YPEL2: variants seen among roughly 807,000 people sequenced by gnomAD.
The protein encoded by YPEL2 is protein yippee-like 2.
A neutral mutation model predicts 19.1 loss-of-function variants in YPEL2; 2 were observed. The ratio of observed to expected loss-of-function variants is 0.10; its 90% CI spans 0.04 to 0.33. The LOEUF is 0.33. Ranked by LOEUF, YPEL2 falls within the 10% of genes least tolerant of loss-of-function variation. The probability of loss-of-function intolerance (pLI) is 1.00; values close to 1 mark genes in which losing one functional copy is unlikely to be tolerated. For synonymous variants in YPEL2, 52 were observed against 50.0 expected (o/e 1.04, Z -0.17); for missense variants, 66 against 140.7 (o/e 0.47, Z 2.68).
chr17:59,389,322 A>C (rs1234881396), intron 3 of YPEL2, 38 bp from the exon 4 acceptor site: 4 of 1,569,530 alleles, frequency 2.5e-6, no homozygotes, highest in Non-Finnish European at 3.5e-6. Flanking sequence ...TGTGCGTGTC[A>C]CTAACTACCC....
chr17:59,386,841 G>GGGCACC (rs1391951691), intron 2 of YPEL2, among the ~76,000 whole-genome samples: 2 of 152,290 alleles, frequency 1.3e-5, no homozygotes, highest in East Asian at 3.9e-4. Flanking sequence ...GTTTGGGTCT[G>GGGCACC]GGCACCAGCT....
chr17:59,374,846 T>C (rs1312831632), intron 2 of YPEL2, among the ~76,000 whole-genome samples: 4 of 152,184 alleles, frequency 2.6e-5, no homozygotes, highest in Admixed American at 1.3e-4. Flanking sequence ...AACTGGGAAC[T>C]GAACCTAGTC....
chr17:59,374,689 T>G (rs7224233), intron 2 of YPEL2, among the ~76,000 whole-genome samples: 209 of 152,174 alleles, frequency 1.4e-3, no homozygotes, highest in African/African-American at 3.5e-3. Context: ...TAGAAAACAA[T>G]AGTGAACATG....
At position 59,374,126 on chromosome 17, in the gene YPEL2, T is replaced by C. The variant is rs545656427; in HGVS notation, c.118-14201T>C. 8.7e-4 allele frequency among the ~76,000 whole-genome samples: 133 copies of C among 152,338 alleles called. 1 individual carries two copies. Among genetic ancestry groups the C allele is most frequent in the African/African-American group, 3.0e-3 (124 of 41,590 alleles). ...ATCCCAGTTCAGAGTATCGGGGTTCTAGCTAAGGACACCATCCTAGTTGAA... is the reference window on the plus strand; with the variant it reads ...ATCCCAGTTCAGAGTATCGGGGTTCCAGCTAAGGACACCATCCTAGTTGAA... On this transcript the variant is annotated intron_variant, in intron 2 of 4. Coordinates refer to ENST00000312655, the MANE Select transcript of YPEL2 (RefSeq NM_001005404.4).
rs2048066993 is a variant in YPEL2 at position 59,400,760 on chromosome 17, A to G, written c.*3570A>G. On this transcript the variant is annotated 3_prime_UTR_variant, in exon 5 of 5. Coordinates refer to ENST00000312655, the MANE Select transcript of YPEL2 (RefSeq NM_001005404.4). ...TGTGCGTGTGCGCGCACACGTGTGT[A>G]AAAAGCACTTTCGATTGTGCCTCCT... The G allele has an allele frequency of 6.6e-6, 1 of 152,602 alleles. No individual in the cohort carries two copies. Among genetic ancestry groups the G allele is most frequent in the Non-Finnish European group, 1.5e-5 (1 of 68,044 alleles). 9.5% of individuals were successfully genotyped at this position (152,602 alleles called of 1,614,324 possible).
At chr17:59,395,761 A>C (rs59648811) in intron 4 of YPEL2, among the ~76,000 whole-genome samples, 46,668 of 151,986 alleles carry the variant, frequency 0.31, 7,502 homozygotes, top group Middle Eastern at 0.41. Context: ...TGTCTTCTCT[A>C]AGCCTAACAA....
rs561777378 is a variant in YPEL2 at position 59,331,844 on chromosome 17, G to A, written c.-196+20G>A. 2 of 151,688 alleles carry A rather than the reference G, an allele frequency of 1.3e-5. No homozygotes were observed. The highest frequency in any genetic ancestry group is 4.8e-5 in the African/African-American group (2 of 41,490). The allele number at this position is 151,688 out of a possible 1,614,324, so 9.4% of individuals were successfully genotyped here. A position where few individuals can be genotyped will look rare whatever the true frequency, so the allele number is the denominator to read the frequency against. On this transcript the variant is annotated intron_variant, in intron 1 of 4. Transcript: ENST00000312655. ...CGCCGGGTAAGTGCACCGGAGTGCGGCGCGGGCCGGGCGCGCGTGGGCGTG... is the reference window on the plus strand; with the variant it reads ...CGCCGGGTAAGTGCACCGGAGTGCGACGCGGGCCGGGCGCGCGTGGGCGTG...
intron 2 of YPEL2, among the ~76,000 whole-genome samples, chr17:59,370,042 G>A (rs2047889012): frequency 6.6e-6 from 1 of 152,190 alleles, no homozygotes; most frequent in Non-Finnish European, 1.5e-5. Context: ...CTAGGAAATG[G>A]CAGAACCAGA....
At chr17:59,391,049 A>G (rs1310533140) in intron 4 of YPEL2, among the ~76,000 whole-genome samples, 1 of 152,178 alleles carries the variant, frequency 6.6e-6, no homozygotes, top group African/African-American at 2.4e-5. Flanking sequence ...CTGCACGTGT[A>G]CATCCATGCA....
chr17:59,393,658 CGGCCTTCCGCAGTGTTTGTGTCCCTGG>C (rs2048020299), intron 4 of YPEL2, among the ~76,000 whole-genome samples: 2 of 146,736 alleles, frequency 1.4e-5, no homozygotes, highest in African/African-American at 5.1e-5. Flanking sequence ...GAGGACCCTG[CGGCCTTCCGCAGTGTTTGTGTCCCTGG>C]GTACTTGAGA....
intron 1 of YPEL2, among the ~76,000 whole-genome samples, chr17:59,339,167 TG>T (rs1179076383): frequency 6.8e-6 from 1 of 146,910 alleles, no homozygotes; most frequent in African/African-American, 2.5e-5. Flanking sequence ...CTTTGTCTGT[TG>T]GGGGTCCCTC....
chr17:59,377,519 C>A (rs1201348621), intron 2 of YPEL2, among the ~76,000 whole-genome samples: 5 of 152,168 alleles, frequency 3.3e-5, no homozygotes, highest in African/African-American at 1.2e-4. Context: ...CATGGGCATC[C>A]CCCACTCCAT....
intron 2 of YPEL2, among the ~76,000 whole-genome samples, chr17:59,366,949 G>A (rs2047872973): frequency 1.3e-5 from 2 of 152,170 alleles, no homozygotes; most frequent in South Asian, 2.1e-4. Context: ...AAAACAAGAG[G>A]CCAACCTGCT....
intron 4 of YPEL2, among the ~76,000 whole-genome samples, chr17:59,395,775 C>G (rs2048035885): frequency 6.6e-6 from 1 of 152,168 alleles, no homozygotes. Flanking sequence ...CTAACAATTA[C>G]AGTTTAAAAT....
At chr17:59,396,499 A>G (rs2048039925) in intron 4 of YPEL2, among the ~76,000 whole-genome samples, 1 of 152,238 alleles carries the variant, frequency 6.6e-6, no homozygotes, top group African/African-American at 2.4e-5. Context: ...TAAGTAGGGT[A>G]GCTGGGGAAG....
At chr17:59,333,114 C>T (rs185405909) in intron 1 of YPEL2, among the ~76,000 whole-genome samples, 9 of 152,366 alleles carry the variant, frequency 5.9e-5, no homozygotes, top group Admixed American at 1.3e-4. Context: ...GCTTTCCTGC[C>T]TCTGGGGGCC....
In YPEL2 at chr17:59,353,430, G is replaced by A. The variant is rs563593771; in HGVS notation, c.21G>A (p.Ser7=). The A allele has an allele frequency of 1.5e-5, 24 of 1,600,236 alleles. No individual in the cohort carries two copies. The South Asian group carries it at 1.9e-4, about 13-fold the overall frequency. Residue 7 remains serine (S), a synonymous_variant, in exon 2 of 5, where the codon TCG becomes TCA. Transcript: ENST00000312655. This position sits in a 1 kb window ranked among gnomAD's most constrained non-coding sequence, Gnocchi z 4.8. MVKMTR[S]KTFQAYLPSC... is the part of the protein sequence containing the mutation. ...CACCAATGGTGAAGATGACAAGATC[G>A]AAGACTTTCCAGGCATATCTGCCCT...
At chr17:59,386,497 A>G (rs899083831) in intron 2 of YPEL2, among the ~76,000 whole-genome samples, 15 of 152,152 alleles carry the variant, frequency 9.9e-5, no homozygotes, top group Non-Finnish European at 2.9e-5. Context: ...ATCAGAGGGA[A>G]CTTCATGGGC....
At chr17:59,357,726 A>G (rs966742709) in intron 2 of YPEL2, among the ~76,000 whole-genome samples, 4 of 152,176 alleles carry the variant, frequency 2.6e-5, no homozygotes, top group Admixed American at 1.3e-4. Context: ...TTTTGTATGA[A>G]AATTTTCTGT....
Sources: allele counts gnomAD v4.1 joint callset (sites outside exome capture counted in the v4.1 genomes callset), GRCh38; gene constraint gnomAD v4.1.1; non-coding constraint Gnocchi (gnomAD v3.1); transcripts MANE v1.5; gene names NCBI Gene and HGNC (gene_info 2026-07-23, HGNC 2026-07-21).